Variants in EVPL observed in about 807,000 individuals in gnomAD.
EVPL encodes 210 kDa cornified envelope precursor protein.
Under a neutral mutation model 129.7 loss-of-function variants are expected in EVPL, and 94 were observed. The observed-to-expected ratio is 0.72, with a 90% CI of 0.61 to 0.86. EVPL has a LOEUF of 0.86. EVPL is among the 40% of genes least tolerant of loss of function. The probability of loss-of-function intolerance (pLI) is 0.00; values close to 1 mark genes in which losing one functional copy is unlikely to be tolerated. For synonymous variants in EVPL, 1,172 were observed against 1,191.1 expected (o/e 0.98, Z 0.33); for missense variants, 2,625 against 2,721.1 (o/e 0.96, Z 0.79).
In EVPL at chr17:76,007,755, G is replaced by T. The variant is rs142889605; in HGVS notation, c.5450C>A (p.Ser1817Tyr). ...QSTSFFSPSF[S>Y]LGLGDDSFPI... The stretch of plus-strand genomic sequence containing the variant: ...GAAGCTGTCATCACCGAGCCCGAGA[G>T]AGAAGCTGGGAGAGAAGAAACTGGT... The change falls in exon 22 of 22, where the codon TCT (serine) becomes TAT (tyrosine). Residue 1817 changes from serine to tyrosine, a missense_variant. By Grantham distance (144) the Ser-to-Tyr change is moderately radical. Coordinates refer to ENST00000301607, the MANE Select transcript of EVPL (RefSeq NM_001988.4). This position sits in a 1 kb window ranked among gnomAD's most constrained non-coding sequence, Gnocchi z 8.8. 6.2e-7 allele frequency: 1 copy of T among 1,612,628 alleles called. No individual in the cohort carries two copies. Among genetic ancestry groups the T allele is most frequent in the Non-Finnish European group, 8.5e-7 (1 of 1,178,998 alleles).
rs2066342925 is a variant in EVPL at position 76,008,505 on chromosome 17, GC to G, written c.4699del (p.Ala1567ProfsTer100). 2 of 1,603,906 alleles carry G rather than the reference GC, an allele frequency of 1.2e-6. No homozygotes were observed. The highest frequency in any genetic ancestry group is 1.7e-6 in the Non-Finnish European group (2 of 1,178,776). ...GGACCAGGTTCTCCCCAGCGTCTCGGCCCGGTCAATGCGCTCCCGCAGGCGC... is the reference window on the plus strand; with the variant it reads ...GGACCAGGTTCTCCCCAGCGTCTCGGCCGGTCAATGCGCTCCCGCAGGCGC... ...ARRLRERIDR[A>X]ETLGRTWSRE... On this transcript the variant is annotated frameshift_variant, in exon 22 of 22. Transcript: ENST00000301607. LOFTEE classifies it low-confidence loss of function (END_TRUNC). The surrounding 1 kb of genome is among the most constrained non-coding windows in gnomAD (Gnocchi z 7.4).
chr17:76,016,474 G>A (rs1207036374), intron 14 of EVPL, among the ~76,000 whole-genome samples: 1 of 152,224 alleles, frequency 6.6e-6, no homozygotes, highest in African/African-American at 2.4e-5. Flanking sequence ...TGTGGCAGAT[G>A]CTATGACTTC....
At chr17:76,018,402 G>T in intron 12 of EVPL, 44 bp downstream of exon 12, 1 of 1,580,632 alleles carries the variant, frequency 6.3e-7, no homozygotes, top group Non-Finnish European at 8.6e-7. Context: ...GGGCCGGCCT[G>T]CTCTGCCCAC....
At chr17:76,026,482 G>C (rs1001066675) in intron 1 of EVPL, among the ~76,000 whole-genome samples, 1 of 152,148 alleles carries the variant, frequency 6.6e-6, no homozygotes, top group Non-Finnish European at 1.5e-5. Context: ...CCTGAAGTTC[G>C]GGGATTATAG....
chr17:76,027,173 G>T lies in EVPL; in HGVS notation c.26C>A (p.Ser9Tyr). 1 of 1,592,222 alleles carries T rather than the reference G, an allele frequency of 6.3e-7. No individual in the cohort carries two copies. The change falls in exon 1 of 22, where the codon TCC (serine) becomes TAC (tyrosine). Residue 9 changes from serine to tyrosine, a missense_variant. Physicochemically the swap from Ser to Tyr is moderately radical, Grantham distance 144. This residue lies in a region of EVPL where 139 missense variants were observed against 186.8 expected (regional missense o/e 0.74). Transcript: ENST00000301607. MFKGLSKG[S>Y]QGKGSPKGSP... ...GCCCTTGGGGGACCCCTTCCCCTGG[G>T]AGCCTTTGCTCAGCCCCTTGAACAT...
At chr17:76,010,646 A>C (rs1329125582) in intron 21 of EVPL, 103 bp from the exon 22 acceptor site, 2 of 1,295,870 alleles carry the variant, frequency 1.5e-6, no homozygotes, top group East Asian at 5.0e-5. Flanking sequence ...GAGACTCCCC[A>C]GTGGGTCCTC....
chr17:76,012,329 C>G, intron 18 of EVPL: 3 of 406,666 alleles, frequency 7.4e-6, no homozygotes, highest in Non-Finnish European at 1.3e-5. Flanking sequence ...TTTTTTGAGA[C>G]CAAGTCTCAC....
intron 10 of EVPL, among the ~76,000 whole-genome samples, 173 bp downstream of exon 10, chr17:76,019,355 G>C (rs540797207): frequency 2.6e-5 from 4 of 152,274 alleles, no homozygotes; most frequent in Admixed American, 2.0e-4. Context: ...CCAGAAGTGG[G>C]AGGAGCTTGC....
At position 76,009,799 on chromosome 17, in the gene EVPL, C is replaced by T. The variant is rs200154594; in HGVS notation, c.3406G>A (p.Val1136Met). The T allele has an allele frequency of 4.3e-6, 7 of 1,613,866 alleles. No individual in the cohort carries two copies. The highest frequency in any genetic ancestry group is 3.3e-5 in the South Asian group (3 of 91,072). ...TGCTCCACCTTCTTCACCTCCTTCA[C>T]GATGACCTTGGGCTCCACCGAGCTG... Reference protein sequence around the residue: ...AISSVEPKVIVKEVKKVEQDP... With the variant: ...AISSVEPKVIMKEVKKVEQDP... The change falls in exon 22 of 22, where the codon GTG becomes ATG. Residue 1136 changes from valine to methionine, a missense_variant. Val to Met is a conservative substitution (Grantham distance 21). Coordinates refer to ENST00000301607, the MANE Select transcript of EVPL (RefSeq NM_001988.4). This position sits in a 1 kb window ranked among gnomAD's most constrained non-coding sequence, Gnocchi z 5.9.
At chr17:76,017,666 C>T in intron 14 of EVPL, 73 bp downstream of exon 14, 4 of 1,556,228 alleles carry the variant, frequency 2.6e-6, no homozygotes, top group Non-Finnish European at 3.5e-6. Context: ...GCACTTGCCT[C>T]ACCTCCCTCA....
rs747775982 is a variant in EVPL at position 76,018,909 on chromosome 17, C to T, written c.1284+5G>A. On this transcript the variant is annotated splice_donor_5th_base_variant and intron_variant, in intron 11 of 21. Coordinates refer to ENST00000301607, the MANE Select transcript of EVPL (RefSeq NM_001988.4). ...GTGGCAGGGGTGAGGTGGGGGAGTTCGCACTTCTCCTGAGTCCCAGTCGCA... is the reference window on the plus strand; with the variant it reads ...GTGGCAGGGGTGAGGTGGGGGAGTTTGCACTTCTCCTGAGTCCCAGTCGCA... The T allele has an allele frequency of 2.5e-5, 38 of 1,518,516 alleles. No individual in the cohort carries two copies. Among genetic ancestry groups the T allele is most frequent in the East Asian group, 1.7e-4 (7 of 41,370 alleles). 94.1% of individuals were successfully genotyped at this position (1,518,516 alleles called of 1,614,324 possible).
chr17:76,019,150 G>A, intron 10 of EVPL, 90 bp from the exon 11 acceptor site: 1 of 1,357,068 alleles, frequency 7.4e-7, no homozygotes, highest in Non-Finnish European at 9.6e-7. Context: ...CCTAGAGGCT[G>A]GCCTTCATGA....
chr17:76,014,913 C>G lies in EVPL; in HGVS notation c.2222+3G>C. The G allele has an allele frequency of 6.3e-7, 1 of 1,576,306 alleles. No homozygotes were observed. Among genetic ancestry groups the G allele is most frequent in the East Asian group, 2.3e-5 (1 of 44,096 alleles). On this transcript the variant is annotated splice_donor_region_variant and intron_variant, in intron 17 of 21. Coordinates refer to ENST00000301607, the MANE Select transcript of EVPL (RefSeq NM_001988.4). ...CCTGTGCCCCGAGGACCCAGTCGCT[C>G]ACCGCAGGTCCAGCTGGTCCCCTAC...
At position 76,018,571 on chromosome 17, in the gene EVPL, C is replaced by T. The variant is rs1232376227; in HGVS notation, c.1314G>A (p.Lys438=). ...CGTGCGGGTCAGTGTTATCTACCAG[C>T]TTATACCGCTCACCCTGCAGCAGCT... ...EVQLLQGERY[K]LVDNTDPHAW... Residue 438 remains lysine, a synonymous_variant, in exon 12 of 22, where the codon AAG becomes AAA. Transcript: ENST00000301607. The T allele has an allele frequency of 6.2e-7, 1 of 1,608,672 alleles. No homozygotes were observed. The highest frequency in any genetic ancestry group is 1.1e-5 in the South Asian group (1 of 90,694).
rs1167254253 is a variant in EVPL at position 76,024,672 on chromosome 17, C to T, written c.99-552G>A. Among the ~76,000 whole-genome samples the T allele has an allele frequency of 5.3e-5, 8 of 151,744 alleles. No individual in the cohort carries two copies. Among genetic ancestry groups the T allele is most frequent in the African/African-American group, 1.2e-4 (5 of 41,276 alleles). On this transcript the variant is annotated intron_variant, in intron 1 of 21. Coordinates refer to ENST00000301607, the MANE Select transcript of EVPL (RefSeq NM_001988.4). This position sits in a 1 kb window ranked among gnomAD's most constrained non-coding sequence, Gnocchi z 4.5. ...TAGAGGAGCCTCACACTGTCGGAGC[C>T]GGGGAGGTGGGGCAGGCGCAAGAGA...
At chr17:76,018,715 A>T in intron 11 of EVPL, 115 bp from the exon 12 acceptor site, 1 of 1,277,106 alleles carries the variant, frequency 7.8e-7, no homozygotes, top group South Asian at 1.5e-5. Flanking sequence ...AACAGGGACA[A>T]GAGTAGGGTG....
chr17:76,017,834 C>A lies in EVPL; in HGVS notation c.1615G>T (p.Gly539Ter). Residue 539 changes from glycine (G) to a stop codon, truncating the protein, a stop_gained, in exon 14 of 22, where the codon GGA becomes TGA. Coordinates refer to ENST00000301607, the MANE Select transcript of EVPL (RefSeq NM_001988.4). LOFTEE classifies it high-confidence loss of function. ...GCCAGCACCTGCCTCTCTATCTGTCCCAGGTCTCCATCCAGCCGGGTCATC... is the reference window on the plus strand; with the variant it reads ...GCCAGCACCTGCCTCTCTATCTGTCACAGGTCTCCATCCAGCCGGGTCATC... ...TQMTRLDGDL[G>*]QIERQVLAWA... The A allele has an allele frequency of 1.2e-6, 2 of 1,614,026 alleles. No homozygotes were observed. The highest frequency in any genetic ancestry group is 1.7e-6 in the Non-Finnish European group (2 of 1,180,040).
In EVPL at chr17:76,011,651, CT is replaced by C. The variant is rs1405869035; in HGVS notation, c.2585del (p.Lys862ArgfsTer56). Reference sequence around the variant, plus strand: ...GTGCTGCTGCAACCTCAGTATAGGCCTTTGCAAGGTTCTTCTCCTGGAGAAG... The same window carrying C: ...GTGCTGCTGCAACCTCAGTATAGGCCTTGCAAGGTTCTTCTCCTGGAGAAG... Reference protein sequence around the residue: ...SIQAQEKNLAKAYTEVAAAQQ... With the variant: ...SIQAQEKNLAXAYTEVAAAQQ... On this transcript the variant is annotated frameshift_variant, in exon 21 of 22. Transcript: ENST00000301607. LOFTEE classifies it high-confidence loss of function. 2.5e-6 allele frequency: 4 copies of C among 1,614,060 alleles called. No homozygotes were observed. The highest frequency in any genetic ancestry group is 1.3e-5 in the African/African-American group (1 of 74,910).
chr17:76,009,823 T>C lies in EVPL; in HGVS notation c.3382A>G (p.Ser1128Gly), dbSNP rs1345954658. The C allele has an allele frequency of 1.9e-6, 3 of 1,613,876 alleles. No homozygotes were observed. The highest frequency in any genetic ancestry group is 2.5e-6 in the Non-Finnish European group (3 of 1,180,014). ...ACGATGACCTTGGGCTCCACCGAGCTGATAGCCCGCTCCAGGTCTTCGATG... is the reference window on the plus strand; with the variant it reads ...ACGATGACCTTGGGCTCCACCGAGCCGATAGCCCGCTCCAGGTCTTCGATG... Reference protein sequence around the residue: ...ARIEDLERAISSVEPKVIVKE... With the variant: ...ARIEDLERAIGSVEPKVIVKE... Residue 1128 changes from serine (S) to glycine (G), a missense_variant, in exon 22 of 22, where the codon AGC (serine) becomes GGC (glycine). Transcript: ENST00000301607. This position sits in a 1 kb window ranked among gnomAD's most constrained non-coding sequence, Gnocchi z 5.9.
Sources: allele counts gnomAD v4.1 joint callset (sites outside exome capture counted in the v4.1 genomes callset), GRCh38; gene constraint gnomAD v4.1.1; regional missense constraint gnomAD v4.1.1; non-coding constraint Gnocchi (gnomAD v3.1); transcripts MANE v1.5; gene names NCBI Gene and HGNC (gene_info 2026-07-23, HGNC 2026-07-21).